The following NPNT variants were observed in gnomAD, a reference collection of about 807,000 sequenced individuals.
NPNT encodes preosteoblast EGF-like repeat protein with MAM domain.
A neutral mutation model predicts 68.6 loss-of-function variants in NPNT; 45 were observed. The ratio of observed to expected loss-of-function variants is 0.66; its 90% confidence interval spans 0.52 to 0.84. The LOEUF (loss-of-function observed/expected upper bound fraction) is 0.84. NPNT is among the 40% of genes least tolerant of loss of function. NPNT has a pLI of 0.00. For missense variants in NPNT, 672 were observed against 714.8 expected (o/e 0.94, Z 0.68); for synonymous variants, 233 against 253.3 (o/e 0.92, Z 0.76).
At chr4:105,918,240 TAACA>T (rs2149341771) in intron 2 of NPNT, among the ~76,000 whole-genome samples, 1 of 152,308 alleles carries the variant, frequency 6.6e-6, no homozygotes, top group East Asian at 1.9e-4. Context: ...CGAGGCCCAG[TAACA>T]AAATTGATTT....
Position 105,942,656 on chromosome 4 carries a change from C to A in NPNT, c.1113C>A (p.Asp371Glu). The A allele has an allele frequency of 6.2e-7, 1 of 1,613,868 alleles. No individual in the cohort carries two copies. Among genetic ancestry groups the A allele is most frequent in the Non-Finnish European group, 8.5e-7 (1 of 1,179,884 alleles). Residue 371 changes from aspartate (D) to glutamate (E), a missense_variant, in exon 8 of 12, where the codon GAC (aspartate) becomes GAA (glutamate). By Grantham distance (45) the Asp-to-Glu change is conservative. Coordinates refer to ENST00000379987, the MANE Select transcript of NPNT (RefSeq NM_001033047.3). ...ASTPPGGITV[D>E]NRVQTDPQKP... The stretch of plus-strand genomic sequence containing the variant: ...CACCTCCAGGAGGGATTACAGTTGA[C>A]AACAGGGTACAGACAGACCCTCAGA...
At chr4:105,927,601 T>A in intron 3 of NPNT, 173 bp downstream of exon 3, 1 of 374,922 alleles carries the variant, frequency 2.7e-6, no homozygotes, top group Non-Finnish European at 4.8e-6. Flanking sequence ...ATTTCTTTTA[T>A]CAAAGGACAA....
At chr4:105,939,972 C>T in intron 5 of NPNT, 103 bp from the exon 6 acceptor site, 1 of 965,244 alleles carries the variant, frequency 1.0e-6, no homozygotes, top group East Asian at 2.4e-5. Flanking sequence ...TGATGAGCCA[C>T]TATATGCTAG....
chr4:105,938,486 G>T (rs1729676986), intron 5 of NPNT, 66 bp downstream of exon 5: 3 of 1,544,408 alleles, frequency 1.9e-6, no homozygotes, highest in Admixed American at 1.9e-5. Flanking sequence ...AGTGAAAGGT[G>T]ATGGGAATAA....
In NPNT at chr4:105,967,354, C is replaced by T. The variant is rs760405739; in HGVS notation, c.1512C>T (p.His504=). The T allele has an allele frequency of 1.9e-6, 3 of 1,609,104 alleles. No individual in the cohort carries two copies. Among genetic ancestry groups the T allele is most frequent in the African/African-American group, 1.3e-5 (1 of 74,734 alleles). ...SGTLQVFVRK[H]GAHGAALWGR... ...CACTCCAGGTGTTTGTGAGAAAACA[C>T]GGTGCCCACGGAGCAGCCCTGTGGG... is the stretch of plus-strand genomic sequence containing the variant. The change falls in exon 11 of 12, where the codon CAC becomes CAT. Residue 504 remains histidine (H), a synonymous_variant. Transcript: ENST00000379987.
chr4:105,958,195 G>T (rs560009261), intron 8 of NPNT, among the ~76,000 whole-genome samples: 8 of 152,254 alleles, frequency 5.3e-5, no homozygotes, highest in Non-Finnish European at 1.2e-4. Flanking sequence ...CTATTAAAAT[G>T]TATTTTCCAG....
Position 105,951,113 on chromosome 4 carries a change from C to A in NPNT, c.1160-7358C>A, listed in dbSNP as rs191153746. ...TAATGGCAGCTCCAACCCAGCAGAA[C>A]CATATTCTGGATGGAGTCAGAACTA... On this transcript the variant is annotated intron_variant, in intron 8 of 11. Coordinates refer to ENST00000379987, the MANE Select transcript of NPNT (RefSeq NM_001033047.3). Among the ~76,000 whole-genome samples, 327 of 152,190 alleles carry A rather than the reference C, an allele frequency of 2.1e-3. 1 individual carries two copies. Among genetic ancestry groups the A allele is most frequent in the Non-Finnish European group, 9.4e-4 (64 of 68,016 alleles).
chr4:105,914,365 C>A (rs1319508790), intron 2 of NPNT, among the ~76,000 whole-genome samples: 11 of 135,546 alleles, frequency 8.1e-5, no homozygotes, highest in African/African-American at 3.0e-4. Flanking sequence ...CTCTCTCTCT[C>A]TCTCTCTCTA....
chr4:105,898,566 A>T (rs890566146), intron 2 of NPNT, among the ~76,000 whole-genome samples: 35 of 152,050 alleles, frequency 2.3e-4, no homozygotes, highest in African/African-American at 8.0e-4. Flanking sequence ...CCTTTTTTGG[A>T]CTGGGGTTGT....
rs923774774 is a variant in NPNT, at chr4:105,896,037, T to C, written c.71+314T>C. 13 of 398,300 alleles carry C rather than the reference T, an allele frequency of 3.3e-5. No individual in the cohort carries two copies. The Admixed American group carries it at 4.8e-4, about 15-fold the overall frequency. 24.7% of individuals were successfully genotyped at this position (398,300 alleles called of 1,614,324 possible). A position where few individuals can be genotyped will look rare whatever the true frequency, so the allele number is the denominator to read the frequency against. On this transcript the variant is annotated intron_variant, in intron 1 of 11. Coordinates refer to ENST00000379987, the MANE Select transcript of NPNT (RefSeq NM_001033047.3). The stretch of plus-strand genomic sequence containing the variant: ...GGATCTCGGCTCTGAGGGCGCGGTT[T>C]AGCCACCTACGCCGAGGTGACGCGC...
In NPNT at chr4:105,963,806, A is replaced by G. The variant is rs188620446; in HGVS notation, c.1346-3382A>G. Among the ~76,000 whole-genome samples, 273 of 151,548 alleles carry G rather than the reference A, an allele frequency of 1.8e-3. 4 individuals are homozygous for G. Among genetic ancestry groups the G allele is most frequent in the Admixed American group, 0.018 (268 of 15,136 alleles). On this transcript the variant is annotated intron_variant, in intron 10 of 11. Transcript: ENST00000379987. ...AGTATGTCTATTTCAGCATTAAAAC[A>G]TTATTTTAAAATACACATAAATGTA...
At chr4:105,941,489 A>G (rs976627409) in intron 7 of NPNT, among the ~76,000 whole-genome samples, 1 of 152,226 alleles carries the variant, frequency 6.6e-6, no homozygotes, top group African/African-American at 2.4e-5. Context: ...ATAATTTAAC[A>G]TACATTTCAT....
intron 3 of NPNT, among the ~76,000 whole-genome samples, chr4:105,935,549 C>A (rs6832565): frequency 1.3e-5 from 2 of 152,070 alleles, no homozygotes; most frequent in Non-Finnish European, 2.9e-5. Context: ...ATCTGCATGG[C>A]GCTTTCTGTG....
intron 2 of NPNT, among the ~76,000 whole-genome samples, chr4:105,908,048 A>G (rs1377822029): frequency 6.6e-6 from 1 of 152,192 alleles, no homozygotes; most frequent in East Asian, 1.9e-4. Context: ...CTGTTAAATC[A>G]ACCTGTTATT....
At chr4:105,966,654 A>G (rs1366168929) in intron 10 of NPNT, among the ~76,000 whole-genome samples, 4 of 151,684 alleles carry the variant, frequency 2.6e-5, no homozygotes, top group Non-Finnish European at 5.9e-5. Flanking sequence ...TTTTTAAAGA[A>G]CCTTTACGTT....
intron 2 of NPNT, chr4:105,911,726 G>A (rs1250953900): frequency 5.8e-6 from 1 of 172,668 alleles, no homozygotes; most frequent in Admixed American, 5.9e-5. Flanking sequence ...CAGTATGTAA[G>A]AAACAGGTAA....
At chr4:105,933,450 T>C (rs1323766258) in intron 3 of NPNT, among the ~76,000 whole-genome samples, 1 of 152,204 alleles carries the variant, frequency 6.6e-6, no homozygotes, top group African/African-American at 2.4e-5. Context: ...AAATTATTAA[T>C]CATTGTCTCT....
At position 105,959,123 on chromosome 4, in the gene NPNT, G is replaced by C. The variant is rs2149401922; in HGVS notation, c.1342G>C (p.Ala448Pro). 1 of 1,606,032 alleles carries C rather than the reference G, an allele frequency of 6.2e-7. No homozygotes were observed. The highest frequency in any genetic ancestry group is 2.2e-5 in the East Asian group (1 of 44,778). Reference protein sequence around the residue: ...DLHWEPIRDPAGGQYLTVSAA... With the variant: ...DLHWEPIRDPPGGQYLTVSAA... ...GCACTGGGAACCAATCAGGGACCCA[G>C]CAGGTAAAACCATTTCATTTAACTT... The change falls in exon 10 of 12, where the codon GCA becomes CCA. Residue 448 changes from alanine (A) to proline (P), a missense_variant. Physicochemically the swap from Ala to Pro is conservative, Grantham distance 27 (BLOSUM62 -1). Coordinates refer to ENST00000379987, the MANE Select transcript of NPNT (RefSeq NM_001033047.3).
intron 1 of NPNT, 195 bp downstream of exon 1, chr4:105,895,918 C>A (rs1381136491): frequency 1.7e-6 from 1 of 577,900 alleles, no homozygotes; most frequent in Non-Finnish European, 3.0e-6. Flanking sequence ...AGAGGGCGCG[C>A]CCTTGCGAGT....
Sources: gnomAD v4.1 joint callset for allele counts (sites outside exome capture counted in the v4.1 genomes callset) on GRCh38, gnomAD v4.1.1 for gene constraint, MANE v1.5 for transcripts, NCBI Gene and HGNC (gene_info 2026-07-23, HGNC 2026-07-21) for gene names.